The following RECQL variants were observed in gnomAD, a reference collection of about 807,000 sequenced individuals.
RECQL encodes the protein ATP-dependent DNA helicase Q1.
RECQL carries 73 observed loss-of-function variants against 75.8 expected under a neutral mutation model. The ratio of observed to expected loss-of-function variants is 0.96; its 90% CI spans 0.80 to 1.17. The LOEUF (loss-of-function observed/expected upper bound fraction) is 1.17, where lower values mean the gene tolerates loss of function less well. Ranked by LOEUF, RECQL falls within the 50% of genes most tolerant of loss-of-function variation. The probability of loss-of-function intolerance (pLI) is 0.00; values close to 1 mark genes in which losing one functional copy is unlikely to be tolerated. For synonymous variants in RECQL, 248 were observed against 254.4 expected (o/e 0.97, Z 0.24); for missense variants, 699 against 772.1 (o/e 0.91, Z 1.12).
intron 2 of RECQL, among the ~76,000 whole-genome samples, chr12:21,498,517 C>G (rs1428639711): frequency 3.9e-5 from 6 of 152,172 alleles, no homozygotes; most frequent in Non-Finnish European, 8.8e-5. Flanking sequence ...TGGAAGTTGA[C>G]TGCCACTTGG....
intron 4 of RECQL, among the ~76,000 whole-genome samples, chr12:21,487,363 C>G (rs898442983): frequency 6.6e-6 from 1 of 152,002 alleles, no homozygotes; most frequent in Non-Finnish European, 1.5e-5. Context: ...ACTTTTTGTA[C>G]GAGATTCATT....
At chr12:21,481,051 T>C (rs1314940744) in intron 6 of RECQL, among the ~76,000 whole-genome samples, 3 of 152,220 alleles carry the variant, frequency 2.0e-5, no homozygotes, top group Non-Finnish European at 4.4e-5. Context: ...TTCAAATAAC[T>C]GTCTCCTGAC....
chr12:21,496,643 T>C (rs897228782), intron 2 of RECQL, among the ~76,000 whole-genome samples: 1 of 152,128 alleles, frequency 6.6e-6, no homozygotes, highest in Non-Finnish European at 1.5e-5. Flanking sequence ...ATAAATCCCA[T>C]AAAAATTCAG....
At chr12:21,499,507 A>G in intron 2 of RECQL, 48 bp downstream of exon 2, 2 of 1,478,556 alleles carry the variant, frequency 1.4e-6, no homozygotes, top group Non-Finnish European at 1.8e-6. Context: ...TATCATACAA[A>G]CAGAAATAGA....
intron 2 of RECQL, among the ~76,000 whole-genome samples, chr12:21,498,526 G>A (rs2284395): frequency 0.42 from 63,799 of 151,940 alleles, 14,684 homozygotes; most frequent in East Asian, 0.68. Flanking sequence ...ACTGCCACTT[G>A]GCCACTTTGG....
chr12:21,488,135 T>C (rs1056413525), intron 4 of RECQL, among the ~76,000 whole-genome samples: 1 of 152,192 alleles, frequency 6.6e-6, no homozygotes, highest in Non-Finnish European at 1.5e-5. Flanking sequence ...ACCATTTCAA[T>C]AAAATTGCTC....
intron 13 of RECQL, 161 bp downstream of exon 13, chr12:21,471,262 CTTTTT>C (rs959464763): frequency 1.7e-5 from 17 of 989,466 alleles, no homozygotes; most frequent in Middle Eastern, 6.2e-4. Flanking sequence ...ATTTTCGTTA[CTTTTT>C]TTTATTTATA....
At chr12:21,494,946 A>AG (rs1943477945) in intron 2 of RECQL, among the ~76,000 whole-genome samples, 5 of 152,210 alleles carry the variant, frequency 3.3e-5, no homozygotes, top group Admixed American at 3.3e-4. Flanking sequence ...AAAATAAAGT[A>AG]GATGTGGTTG....
intron 2 of RECQL, among the ~76,000 whole-genome samples, chr12:21,499,145 A>G (rs890428658): frequency 2.6e-5 from 4 of 152,250 alleles, no homozygotes; most frequent in Non-Finnish European, 5.9e-5. Context: ...TTGGACACAA[A>G]TAAGGTAAAA....
In RECQL at chr12:21,473,536, AAAC is replaced by A. The variant is rs772961527; in HGVS notation, c.1447+12_1447+14del. The stretch of plus-strand genomic sequence containing the variant: ...CTGTATTAGCCTATAAAGGTTTACA[AAAC>A]AACAAACTCACCACTGTCTTTACAG... On this transcript the variant is annotated intron_variant, in intron 12 of 14. Transcript: ENST00000444129. 9 of 1,605,434 alleles carry A rather than the reference AAAC, an allele frequency of 5.6e-6. No individual in the cohort carries two copies. Among genetic ancestry groups the A allele is most frequent in the Admixed American group, 1.7e-5 (1 of 59,800 alleles).
At chr12:21,472,311 G>T (rs1204491892) in intron 12 of RECQL, among the ~76,000 whole-genome samples, 1 of 151,880 alleles carries the variant, frequency 6.6e-6, no homozygotes, top group Non-Finnish European at 1.5e-5. Flanking sequence ...AGCCCAGGAG[G>T]GTTCCCAGTT....
intron 4 of RECQL, among the ~76,000 whole-genome samples, chr12:21,488,657 A>G (rs1298333035): frequency 6.6e-6 from 1 of 152,116 alleles, no homozygotes; most frequent in Non-Finnish European, 1.5e-5. Context: ...CACTTGTCCA[A>G]GCCTAAAATT....
At chr12:21,478,947 C>G (rs1381398278) in intron 6 of RECQL, among the ~76,000 whole-genome samples, 1 of 152,168 alleles carries the variant, frequency 6.6e-6, no homozygotes, top group East Asian at 1.9e-4. Flanking sequence ...ACAGCAGACC[C>G]ACAGAGGCGA....
At chr12:21,484,186 A>AT (rs1169300131) in intron 5 of RECQL, among the ~76,000 whole-genome samples, 10 of 151,978 alleles carry the variant, frequency 6.6e-5, no homozygotes, top group African/African-American at 1.7e-4. Context: ...ATTAGATGTC[A>AT]TTTTTTTTCC....
chr12:21,483,693 G>T (rs1943237011), intron 5 of RECQL, 119 bp from the exon 6 acceptor site: 1 of 701,360 alleles, frequency 1.4e-6, no homozygotes, highest in South Asian at 1.9e-5. Context: ...GCTCTTCTAG[G>T]AGCAGATGTT....
intron 8 of RECQL, among the ~76,000 whole-genome samples, chr12:21,476,145 T>G (rs957447906): frequency 2.0e-5 from 3 of 152,086 alleles, no homozygotes; most frequent in African/African-American, 7.2e-5. Flanking sequence ...ATGAATGCAG[T>G]GTTCTCCAGA....
rs143589124 is a variant in RECQL at position 21,495,139 on chromosome 12, C to T, written c.17-3423G>A. ...ACACAACAGAGAGACCATCCTTCGA[C>T]GAATTTCCAGAATTGAACCACCTTA... On this transcript the variant is annotated intron_variant, in intron 2 of 14. Coordinates refer to ENST00000444129, the MANE Select transcript of RECQL (RefSeq NM_002907.4). Among the ~76,000 whole-genome samples, 492 of 152,246 alleles carry T rather than the reference C, an allele frequency of 3.2e-3. 3 individuals are homozygous for T. The highest frequency in any genetic ancestry group is 0.011 in the African/African-American group (458 of 41,550).
chr12:21,483,156 A>G (rs1943223060), intron 6 of RECQL, among the ~76,000 whole-genome samples: 1 of 152,230 alleles, frequency 6.6e-6, no homozygotes, highest in South Asian at 2.1e-4. Flanking sequence ...AGTCCTCCTC[A>G]TAATGAGGCA....
At chr12:21,494,539 T>C (rs1014543147) in intron 2 of RECQL, among the ~76,000 whole-genome samples, 4 of 152,052 alleles carry the variant, frequency 2.6e-5, no homozygotes, top group Non-Finnish European at 5.9e-5. Flanking sequence ...GCCTCAAAGA[T>C]GAATGTCAGA....
Sources: gnomAD v4.1 joint callset for allele counts (sites outside exome capture counted in the v4.1 genomes callset) on GRCh38, gnomAD v4.1.1 for gene constraint, MANE v1.5 for transcripts, NCBI Gene and HGNC (gene_info 2026-07-23, HGNC 2026-07-21) for gene names.